The following SESN1 variants were observed in gnomAD, a reference collection of about 807,000 sequenced individuals.
SESN1 encodes the protein sestrin-1.
In SESN1, 30 loss-of-function variants were observed where a neutral mutation model predicts 59.3. That is an observed-to-expected ratio of 0.51 (90% confidence interval 0.38 to 0.69). The LOEUF (loss-of-function observed/expected upper bound fraction) is 0.69, where lower values mean the gene tolerates loss of function less well. Ranked by LOEUF, SESN1 falls within the 30% of genes least tolerant of loss-of-function variation. The pLI is 0.00. For synonymous variants in SESN1, 197 were observed against 219.9 expected, an observed-to-expected ratio of 0.90 and a Z score of 0.92; for missense variants, 566 against 673.0, an observed-to-expected ratio of 0.84 and a Z score of 1.76.
At chr6:109,012,687 G>A (rs866066525) in intron 1 of SESN1, among the ~76,000 whole-genome samples, 8 of 152,094 alleles carry the variant, frequency 5.3e-5, no homozygotes, top group Non-Finnish European at 1.0e-4. Context: ...TAGACACAGA[G>A]TTCTAAGTAA....
intron 1 of SESN1, among the ~76,000 whole-genome samples, chr6:109,037,435 C>T (rs1000193312): frequency 2.6e-5 from 4 of 152,070 alleles, no homozygotes; most frequent in Non-Finnish European, 4.4e-5. Context: ...CCTTAATTCA[C>T]GGGGATGATT....
chr6:108,985,490 T>TC lies in SESN1; in HGVS notation c.*2053dup, dbSNP rs1177013327. Among the ~76,000 whole-genome samples, 1 of 152,206 alleles carries TC rather than the reference T, an allele frequency of 6.6e-6. No homozygotes were observed. Among genetic ancestry groups the TC allele is most frequent in the Non-Finnish European group, 1.5e-5 (1 of 68,040 alleles). On this transcript the variant is annotated 3_prime_UTR_variant, in exon 10 of 10. Coordinates refer to ENST00000436639, the MANE Select transcript of SESN1 (RefSeq NM_014454.3). ...TGTGTGTTTAGTTTTGAGAAAACAC[T>TC]CCAACAGGAAGCACCTGCTAAATGG...
Position 109,094,408 on chromosome 6 carries a change from G to A in SESN1, c.-335C>T. The A allele has an allele frequency of 3.1e-6, 1 of 317,582 alleles. No homozygotes were observed. The highest frequency in any genetic ancestry group is 5.9e-6 in the Non-Finnish European group (1 of 169,652). The allele number at this position is 317,582 out of a possible 1,614,324, so 19.7% of individuals were successfully genotyped here. On this transcript the variant is annotated 5_prime_UTR_variant, in exon 1 of 10. It introduces an in-frame stop codon into an upstream open reading frame of the 5' UTR. Coordinates refer to ENST00000436639, the MANE Select transcript of SESN1 (RefSeq NM_014454.3). ...CGGGGTCAGTGGATATCCTCACGTT[G>A]TGGAGCTGTCAAATCCGTGCTCTGC... is the stretch of plus-strand genomic sequence containing the variant.
chr6:109,007,737 T>C (rs1472352700), intron 1 of SESN1, among the ~76,000 whole-genome samples: 1 of 151,516 alleles, frequency 6.6e-6, no homozygotes, highest in Non-Finnish European at 1.5e-5. Context: ...TATGTTAATA[T>C]TGTCATTAAT....
intron 1 of SESN1, among the ~76,000 whole-genome samples, chr6:109,023,051 G>C (rs1291739990): frequency 5.3e-5 from 8 of 152,114 alleles, no homozygotes; most frequent in African/African-American, 1.9e-4. Flanking sequence ...TCCACCCTCT[G>C]TGACCACCCA....
intron 1 of SESN1, among the ~76,000 whole-genome samples, chr6:109,080,166 G>A (rs1583298761): frequency 1.3e-5 from 2 of 152,116 alleles, no homozygotes; most frequent in East Asian, 3.9e-4. Context: ...GGCGGGGAAG[G>A]GGACGTTCAG....
At position 108,994,140 on chromosome 6, in the gene SESN1, TA is replaced by T. The variant is rs764125940; in HGVS notation, c.1120+321del. On this transcript the variant is annotated intron_variant, in intron 6 of 9. Coordinates refer to ENST00000436639, the MANE Select transcript of SESN1 (RefSeq NM_014454.3). ...GGCAACAAAGCAAGACCCTGTTTCTTAAAAAAAAAAAAAAAAAAAAAAAGAG... is the reference window on the plus strand; with the variant it reads ...GGCAACAAAGCAAGACCCTGTTTCTTAAAAAAAAAAAAAAAAAAAAAAGAG... 3.7e-3 allele frequency among the ~76,000 whole-genome samples: 371 copies of T among 100,260 alleles called. 1 individual carries two copies. Among genetic ancestry groups the T allele is most frequent in the African/African-American group, 9.1e-3 (238 of 26,298 alleles). 65.8% of individuals were successfully genotyped at this position (100,260 alleles called of 152,430 possible).
chr6:109,027,462 G>A (rs181817916), intron 1 of SESN1, among the ~76,000 whole-genome samples: 2 of 136,954 alleles, frequency 1.5e-5, no homozygotes, highest in Admixed American at 1.5e-4. Context: ...GGGCGACAGA[G>A]GGAGACTCTG....
chr6:108,990,290 G>A (rs1779343788), intron 8 of SESN1, among the ~76,000 whole-genome samples: 2 of 152,198 alleles, frequency 1.3e-5, no homozygotes, highest in Non-Finnish European at 2.9e-5. Flanking sequence ...GATTTCCAAG[G>A]AGGTAGAAAC....
At chr6:109,073,212 C>CA (rs1234459631) in intron 1 of SESN1, among the ~76,000 whole-genome samples, 30 of 149,688 alleles carry the variant, frequency 2.0e-4, no homozygotes, top group East Asian at 9.8e-4. Context: ...GTGGCACCTG[C>CA]AAAAAAAAAT....
chr6:109,012,305 C>T (rs1036598503), intron 1 of SESN1, among the ~76,000 whole-genome samples: 9 of 150,524 alleles, frequency 6.0e-5, no homozygotes, highest in African/African-American at 1.5e-4. Context: ...TGCAGTGGTA[C>T]GAACTTGGCT....
intron 1 of SESN1, among the ~76,000 whole-genome samples, chr6:109,051,237 G>C (rs1780537393): frequency 2.6e-5 from 4 of 152,044 alleles, no homozygotes; most frequent in Admixed American, 2.6e-4. Flanking sequence ...TTTAAAATTG[G>C]TTTTATAAAA....
rs963902027 is a variant in SESN1 at position 108,986,585 on chromosome 6, AAATTTGATAACCC to A, written c.*946_*958del. 7 of 152,794 alleles carry A rather than the reference AAATTTGATAACCC, an allele frequency of 4.6e-5. No individual in the cohort carries two copies. Among genetic ancestry groups the A allele is most frequent in the Non-Finnish European group, 7.3e-5 (5 of 68,034 alleles). 9.5% of individuals were successfully genotyped at this position (152,794 alleles called of 1,614,324 possible). ...AACAAAGTTAGCGTTTTTGTAAATC[AAATTTGATAACCC>A]GACTAAAAATATTTTCCAGCTTTAT... On this transcript the variant is annotated 3_prime_UTR_variant, in exon 10 of 10. Coordinates refer to ENST00000436639, the MANE Select transcript of SESN1 (RefSeq NM_014454.3).
At chr6:109,076,590 A>G (rs1269369478) in intron 1 of SESN1, among the ~76,000 whole-genome samples, 3 of 152,136 alleles carry the variant, frequency 2.0e-5, no homozygotes, top group Non-Finnish European at 2.9e-5. Flanking sequence ...TGGCGCAAGG[A>G]AGATAAAAGG....
At chr6:109,078,387 AAAATAAAATAT>A (rs1781064927) in intron 1 of SESN1, among the ~76,000 whole-genome samples, 1 of 152,152 alleles carries the variant, frequency 6.6e-6, no homozygotes, top group Non-Finnish European at 1.5e-5. Flanking sequence ...GTCTCAAAAT[AAAATAAAATAT>A]AAATATAAAT....
At chr6:109,092,774 ACT>A (rs2114486988) in intron 1 of SESN1, among the ~76,000 whole-genome samples, 1 of 152,312 alleles carries the variant, frequency 6.6e-6, no homozygotes, top group East Asian at 1.9e-4. Flanking sequence ...CTCTCGGGTA[ACT>A]CTGAATTGTA....
intron 1 of SESN1, among the ~76,000 whole-genome samples, chr6:109,062,818 C>G (rs1257727000): frequency 3.3e-5 from 5 of 151,950 alleles, no homozygotes; most frequent in Admixed American, 6.6e-5. Flanking sequence ...ATTAAAAACA[C>G]TAAGTAACAA....
intron 1 of SESN1, among the ~76,000 whole-genome samples, chr6:109,091,959 T>C (rs1182539937): frequency 3.9e-5 from 6 of 152,226 alleles, no homozygotes. Flanking sequence ...GCCAGTACTC[T>C]TAAGAACTCA....
At chr6:108,991,345 G>T (rs1413763316) in intron 7 of SESN1, among the ~76,000 whole-genome samples, 1 of 152,066 alleles carries the variant, frequency 6.6e-6, no homozygotes, top group Non-Finnish European at 1.5e-5. Context: ...GGGCTCAAGC[G>T]ATCCTCCCTG....
Sources: gnomAD v4.1 joint callset for allele counts (sites outside exome capture counted in the v4.1 genomes callset) on GRCh38, gnomAD v4.1.1 for gene constraint, MANE v1.5 for transcripts, NCBI Gene and HGNC (gene_info 2026-07-23, HGNC 2026-07-21) for gene names.